Variants in EIF3K observed in about 807,000 individuals in gnomAD.
The protein encoded by EIF3K is eIF-3 p28.
A neutral mutation model predicts 34.2 loss-of-function variants in EIF3K; 27 were observed. The ratio of observed to expected loss-of-function variants is 0.79; its 90% CI spans 0.58 to 1.09. The LOEUF (loss-of-function observed/expected upper bound fraction) is 1.09, where lower values mean the gene tolerates loss of function less well. Among genes scored for constraint, EIF3K ranks in the 50% least tolerant of loss-of-function variants. The probability of loss-of-function intolerance (pLI) is 0.00; values close to 1 mark genes in which losing one functional copy is unlikely to be tolerated. For missense variants in EIF3K, 232 were observed against 275.4 expected, an observed-to-expected ratio of 0.84 and a Z score of 1.11; for synonymous variants, 105 against 105.7, an observed-to-expected ratio of 0.99 and a Z score of 0.04.
chr19:38,632,666 G>A lies in EIF3K; in HGVS notation c.487G>A (p.Gly163Arg). Residue 163 changes from glycine (G) to arginine (R), a missense_variant, in exon 6 of 8, where the codon GGG (glycine) becomes AGG (arginine). Coordinates refer to ENST00000248342, the MANE Select transcript of EIF3K (RefSeq NM_013234.4). Reference protein sequence around the residue: ...IDRWLLAEMLGDLSDSQLKVW... With the variant: ...IDRWLLAEMLRDLSDSQLKVW... ...CCGCTGGCTGCTGGCCGAGATGCTC[G>A]GGGATCTGTCGGGTAACGCCCTCTG... is the stretch of plus-strand genomic sequence containing the variant. The A allele has an allele frequency of 6.2e-7, 1 of 1,613,204 alleles. No homozygotes were observed. Among genetic ancestry groups the A allele is most frequent in the South Asian group, 1.1e-5 (1 of 90,928 alleles).
chr19:38,625,916 C>T, intron 3 of EIF3K, 112 bp from the exon 4 acceptor site: 1 of 1,006,978 alleles, frequency 9.9e-7, no homozygotes, highest in South Asian at 1.3e-5. Context: ...AGCTGTTTTT[C>T]TGAGCTGAAG....
rs1412553102 is a variant in EIF3K at position 38,634,313 on chromosome 19, C to T, written c.500-680C>T. 6.2e-5 allele frequency among the ~76,000 whole-genome samples: 9 copies of T among 144,590 alleles called. No individual in the cohort carries two copies. The East Asian group carries it at 1.8e-3, about 30-fold the overall frequency. The allele number at this position is 144,590 out of a possible 152,430, so 94.9% of individuals were successfully genotyped here. A position where few individuals can be genotyped will look rare whatever the true frequency, so the allele number is the denominator to read the frequency against. On this transcript the variant is annotated intron_variant, in intron 6 of 7. Coordinates refer to ENST00000248342, the MANE Select transcript of EIF3K (RefSeq NM_013234.4). ...CAGAGATGGGGTTTCACCACGTTGG[C>T]CAGGACTTGGCACGGTGGCTCACAC... is the stretch of plus-strand genomic sequence containing the variant.
At chr19:38,627,719 C>T (rs905055168) in intron 4 of EIF3K, among the ~76,000 whole-genome samples, 1 of 151,790 alleles carries the variant, frequency 6.6e-6, no homozygotes, top group South Asian at 2.1e-4. Flanking sequence ...CGCTCTCTAC[C>T]ACTCCTGCCC....
intron 3 of EIF3K, among the ~76,000 whole-genome samples, chr19:38,625,501 T>A (rs1975930495): frequency 6.7e-6 from 1 of 149,168 alleles, no homozygotes; most frequent in Non-Finnish European, 1.5e-5. Context: ...ATAGTAGGGT[T>A]TTTTTGTTAA....
In EIF3K at chr19:38,620,440, G is replaced by C. The variant is rs1975814769; in HGVS notation, c.158+5G>C. The C allele has an allele frequency of 6.2e-7, 1 of 1,612,912 alleles. No homozygotes were observed. Among genetic ancestry groups the C allele is most frequent in the Non-Finnish European group, 8.5e-7 (1 of 1,179,434 alleles). On this transcript the variant is annotated splice_donor_5th_base_variant and intron_variant, in intron 2 of 7. Transcript: ENST00000248342. Reference sequence around the variant, plus strand: ...CAACCTGGCTGTCCTGAAGCTGTAAGTGTCTAGCTCTCTGTCTACACTCCC... The same window carrying C: ...CAACCTGGCTGTCCTGAAGCTGTAACTGTCTAGCTCTCTGTCTACACTCCC...
chr19:38,635,827 GCT>G (rs1976178841), intron 7 of EIF3K: 2 of 152,296 alleles, frequency 1.3e-5, no homozygotes, highest in Non-Finnish European at 1.5e-5. Flanking sequence ...GGCAGCGGGT[GCT>G]GCTTCACTGC....
chr19:38,626,528 G>T (rs1226162010), intron 4 of EIF3K, among the ~76,000 whole-genome samples: 6 of 152,188 alleles, frequency 3.9e-5, no homozygotes, highest in South Asian at 4.1e-4. Context: ...GCATGTGCCT[G>T]TACTCCCAGC....
In EIF3K at chr19:38,635,098, T is replaced by G. The variant is rs1296281876; in HGVS notation, c.605T>G (p.Val202Gly). ...GAGAGCATTAAACCCAAGAACATTGTGGAGAAGATTGACTTTGACAGTGAG... is the reference window on the plus strand; with the variant it reads ...GAGAGCATTAAACCCAAGAACATTGGGGAGAAGATTGACTTTGACAGTGAG... ...QEESIKPKNI[V>G]EKIDFDSVSS... Residue 202 changes from valine to glycine, a missense_variant, in exon 7 of 8, where the codon GTG becomes GGG. By Grantham distance (109) the Val-to-Gly change is moderately radical (BLOSUM62 -3). Transcript: ENST00000248342. 1 of 1,614,160 alleles carries G rather than the reference T, an allele frequency of 6.2e-7. No individual in the cohort carries two copies. The highest frequency in any genetic ancestry group is 1.1e-5 in the South Asian group (1 of 91,074).
rs1222228678 is a variant in EIF3K, at chr19:38,619,228, G to C, written c.-41G>C. The stretch of plus-strand genomic sequence containing the variant: ...TCCTTGAGGACGCCGTGCCGGGTCA[G>C]TGTTAGCCTCCAGCCCTGGTTGTGG... On this transcript the variant is annotated 5_prime_UTR_variant, in exon 1 of 8. Coordinates refer to ENST00000248342, the MANE Select transcript of EIF3K (RefSeq NM_013234.4). 6.2e-7 allele frequency: 1 copy of C among 1,611,642 alleles called. No homozygotes were observed. Among genetic ancestry groups the C allele is most frequent in the South Asian group, 1.1e-5 (1 of 90,888 alleles).
intron 4 of EIF3K, among the ~76,000 whole-genome samples, chr19:38,629,871 C>T (rs1976024565): frequency 6.6e-6 from 1 of 152,104 alleles, no homozygotes; most frequent in African/African-American, 2.4e-5. Context: ...AGGTGACAGG[C>T]AGATTCTGTG....
chr19:38,636,183 A>C (rs1163427290), intron 7 of EIF3K, among the ~76,000 whole-genome samples: 1 of 151,924 alleles, frequency 6.6e-6, no homozygotes, highest in African/African-American at 2.4e-5. Context: ...GCCCCACCCC[A>C]CCTTCCTGAC....
intron 2 of EIF3K, among the ~76,000 whole-genome samples, chr19:38,623,415 C>T (rs1020877921): frequency 6.6e-6 from 1 of 151,940 alleles, no homozygotes; most frequent in Non-Finnish European, 1.5e-5. Context: ...GTGATCCACC[C>T]GCCTTGGCCT....
chr19:38,625,023 G>T lies in EIF3K; in HGVS notation c.279+826G>T, dbSNP rs577893100. Among the ~76,000 whole-genome samples, 329 of 152,222 alleles carry T rather than the reference G, an allele frequency of 2.2e-3. 6 individuals are homozygous for T. The highest frequency in any genetic ancestry group is 3.1e-4 in the Non-Finnish European group (21 of 68,014). Reference sequence around the variant, plus strand: ...TAAAACATAACGAGTTAGGTGGAGGGGTAGGCAAAGGTGATCCAGGCAGAG... The same window carrying T: ...TAAAACATAACGAGTTAGGTGGAGGTGTAGGCAAAGGTGATCCAGGCAGAG... On this transcript the variant is annotated intron_variant, in intron 3 of 7. Coordinates refer to ENST00000248342, the MANE Select transcript of EIF3K (RefSeq NM_013234.4).
At position 38,626,053 on chromosome 19, in the gene EIF3K, T is replaced by C. The variant is rs781396973; in HGVS notation, c.305T>C (p.Ile102Thr). 1.9e-6 allele frequency: 3 copies of C among 1,614,010 alleles called. No homozygotes were observed. The highest frequency in any genetic ancestry group is 1.3e-5 in the African/African-American group (1 of 74,910). ...CAAGAAGAACGGCCAATCCGACAGATTTTGTACCTCGGGGACCTGCTGGAG... is the reference window on the plus strand; with the variant it reads ...CAAGAAGAACGGCCAATCCGACAGACTTTGTACCTCGGGGACCTGCTGGAG... ...AHQEERPIRQ[I>T]LYLGDLLETC... Residue 102 changes from isoleucine to threonine, a missense_variant, in exon 4 of 8, where the codon ATT becomes ACT. Physicochemically the swap from Ile to Thr is moderately conservative, Grantham distance 89 (BLOSUM62 -1). Transcript: ENST00000248342.
chr19:38,632,474 CT>C lies in EIF3K; in HGVS notation c.402del (p.Phe134LeufsTer37). The part of the protein sequence containing the change: ...NMDLLEGITG[F>X]EDSVRKFICH... ...TGGACCTCTTGGAAGGTATAACTGG[CT>C]TTGAAGACTCTGTCCGAAAGTGTAA... On this transcript the variant is annotated frameshift_variant, in exon 5 of 8. Coordinates refer to ENST00000248342, the MANE Select transcript of EIF3K (RefSeq NM_013234.4). LOFTEE classifies it high-confidence loss of function. 5.0e-6 allele frequency: 8 copies of C among 1,614,186 alleles called. No homozygotes were observed. Among genetic ancestry groups the C allele is most frequent in the Non-Finnish European group, 6.8e-6 (8 of 1,180,010 alleles).
chr19:38,620,666 G>A (rs1287700066), intron 2 of EIF3K, among the ~76,000 whole-genome samples: 1 of 151,046 alleles, frequency 6.6e-6, no homozygotes, highest in Non-Finnish European at 1.5e-5. Flanking sequence ...GGATGAGGCA[G>A]GCGGATCACC....
At chr19:38,630,423 C>A (rs539741327) in intron 4 of EIF3K, among the ~76,000 whole-genome samples, 115 of 151,462 alleles carry the variant, frequency 7.6e-4, no homozygotes, top group African/African-American at 2.7e-3. Flanking sequence ...CAGCTCACTG[C>A]AACCTCTGCC....
At chr19:38,629,004 T>C (rs1976005399) in intron 4 of EIF3K, among the ~76,000 whole-genome samples, 2 of 152,210 alleles carry the variant, frequency 1.3e-5, no homozygotes, top group South Asian at 4.1e-4. Context: ...ACTGTAGAAA[T>C]TGCACCTGTT....
intron 2 of EIF3K, among the ~76,000 whole-genome samples, 197 bp downstream of exon 2, chr19:38,620,632 G>A (rs1052729154): frequency 4.6e-5 from 7 of 152,276 alleles, no homozygotes; most frequent in South Asian, 2.1e-4. Context: ...GGTGACTCAC[G>A]CCTGTTATCC....
Sources: gnomAD v4.1 joint callset for allele counts (sites outside exome capture counted in the v4.1 genomes callset) on GRCh38, gnomAD v4.1.1 for gene constraint, MANE v1.5 for transcripts, NCBI Gene and HGNC (gene_info 2026-07-23, HGNC 2026-07-21) for gene names.